Variants in CLEC16A observed in about 807,000 individuals in gnomAD.
CLEC16A encodes C-type lectin domain containing 16A.
A neutral mutation model predicts 109.5 loss-of-function variants in CLEC16A; 51 were observed. The observed-to-expected ratio is 0.47, with a 90% CI of 0.37 to 0.59. The LOEUF is 0.59. Among genes scored for constraint, CLEC16A ranks in the 20% least tolerant of loss-of-function variants. The pLI, the probability that CLEC16A is intolerant of heterozygous loss-of-function variation, is 0.00. For synonymous variants in CLEC16A, 673 were observed against 564.2 expected (o/e 1.19, Z -2.73); for missense variants, 1,339 against 1,394.0 (o/e 0.96, Z 0.63).
intron 22 of CLEC16A, chr16:11,126,735 C>G (rs1004624686): frequency 1.8e-5 from 3 of 162,254 alleles, no homozygotes; most frequent in African/African-American, 7.2e-5. Flanking sequence ...AGACCGAGTT[C>G]TCCCCTTCCT....
chr16:11,046,609 C>T (rs995738772), intron 16 of CLEC16A, among the ~76,000 whole-genome samples: 5 of 152,132 alleles, frequency 3.3e-5, no homozygotes, highest in Admixed American at 2.6e-4. Flanking sequence ...TTCTGTGCCT[C>T]CTCGCATTTC....
intron 11 of CLEC16A, among the ~76,000 whole-genome samples, chr16:11,017,367 A>G (rs751348620): frequency 1.3e-5 from 2 of 152,236 alleles, no homozygotes; most frequent in Admixed American, 6.5e-5. Flanking sequence ...GTAAAGAAGC[A>G]GAACAATAGA....
intron 10 of CLEC16A, among the ~76,000 whole-genome samples, chr16:10,985,220 A>AAATAT (rs1555526163): frequency 1.2e-4 from 13 of 104,080 alleles, no homozygotes; most frequent in African/African-American, 5.5e-4. Context: ...AAAAAAAAAA[A>AAATAT]ATATATATAT....
chr16:11,178,367 C>T lies in CLEC16A; in HGVS notation c.2839C>T (p.His947Tyr), dbSNP rs1179674533. ...APMSPELPKP[H>Y]LPDQLVIVNE... ...CATGAGTCCAGAACTGCCTAAGCCT[C>T]ACCTTCCTGACCAGTTGGTAATCGT... Residue 947 changes from histidine to tyrosine, a missense_variant, in exon 24 of 24, where the codon CAC becomes TAC. Transcript: ENST00000409790. This position sits in a 1 kb window ranked among gnomAD's most constrained non-coding sequence, Gnocchi z 6.5. 3 of 1,613,558 alleles carry T rather than the reference C, an allele frequency of 1.9e-6. No individual in the cohort carries two copies. The East Asian group carries it at 6.7e-5, about 36-fold the overall frequency.
intron 19 of CLEC16A, among the ~76,000 whole-genome samples, chr16:11,104,711 C>T (rs1375650411): frequency 1.3e-5 from 2 of 152,214 alleles, no homozygotes; most frequent in East Asian, 3.8e-4. Context: ...CAACAGCATT[C>T]CTACAAAGTA....
chr16:11,018,479 G>A (rs1245564944), intron 11 of CLEC16A, among the ~76,000 whole-genome samples: 3 of 151,872 alleles, frequency 2.0e-5, no homozygotes, highest in African/African-American at 7.3e-5. Flanking sequence ...GCCAGGCGCG[G>A]TAGCTCACGC....
intron 22 of CLEC16A, among the ~76,000 whole-genome samples, chr16:11,130,513 C>T (rs2053132667): frequency 6.6e-6 from 1 of 152,226 alleles, no homozygotes; most frequent in Admixed American, 6.5e-5. Flanking sequence ...TGCATATCAA[C>T]TGAATTTCAC....
intron 11 of CLEC16A, among the ~76,000 whole-genome samples, chr16:11,007,099 C>T (rs1223833675): frequency 1.3e-5 from 2 of 152,134 alleles, no homozygotes; most frequent in Admixed American, 1.3e-4. Context: ...ATAAGCATAT[C>T]CTAGGGACTG....
At chr16:11,043,554 C>T (rs2047464169) in intron 15 of CLEC16A, among the ~76,000 whole-genome samples, 1 of 152,024 alleles carries the variant, frequency 6.6e-6, no homozygotes, top group Non-Finnish European at 1.5e-5. Flanking sequence ...GTCTCCTTTC[C>T]TCTCTCTCTC....
intron 19 of CLEC16A, among the ~76,000 whole-genome samples, chr16:11,078,995 T>C (rs989308050): frequency 2.6e-5 from 4 of 152,214 alleles, no homozygotes; most frequent in African/African-American, 9.6e-5. Context: ...CTCTCGAGCC[T>C]TGGGCACCTG....
chr16:11,119,966 G>GTTGTTTTGTT (rs34801138), intron 19 of CLEC16A, among the ~76,000 whole-genome samples: 146 of 150,882 alleles, frequency 9.7e-4, no homozygotes, highest in African/African-American at 2.1e-3. Context: ...TTTGTGTTGT[G>GTTGTTTTGTT]TTGTTTTGTT....
chr16:11,161,077 A>G (rs1294765592), intron 22 of CLEC16A, among the ~76,000 whole-genome samples: 1 of 152,378 alleles, frequency 6.6e-6, no homozygotes, highest in South Asian at 2.1e-4. Context: ...AACACTGTCC[A>G]AAACCCTCTT....
Position 11,049,375 on chromosome 16 carries a change from C to T in CLEC16A, c.1866+2033C>T, listed in dbSNP as rs2047811727. ...GCCACCCAGGCTGTATATGAAATAG[C>T]CAACAAGAGGCCTCATGGGTCCATA... On this transcript the variant is annotated intron_variant, in intron 17 of 23. Coordinates refer to ENST00000409790, the MANE Select transcript of CLEC16A (RefSeq NM_015226.3). Among the ~76,000 whole-genome samples, 6 of 152,204 alleles carry T rather than the reference C, an allele frequency of 3.9e-5. No individual in the cohort carries two copies. The South Asian group carries it at 1.2e-3, about 32-fold the overall frequency.
intron 21 of CLEC16A, among the ~76,000 whole-genome samples, chr16:11,124,600 C>G (rs1192412359): frequency 6.6e-6 from 1 of 152,180 alleles, no homozygotes; most frequent in Non-Finnish European, 1.5e-5. Flanking sequence ...GAGGGAGATG[C>G]GTTCATTGGG....
At chr16:11,135,216 A>G (rs377156771) in intron 22 of CLEC16A, among the ~76,000 whole-genome samples, 44 of 152,274 alleles carry the variant, frequency 2.9e-4, no homozygotes, top group Admixed American at 9.2e-4. Flanking sequence ...CCTACTCAAA[A>G]ATCAGCCCTG....
intron 19 of CLEC16A, among the ~76,000 whole-genome samples, chr16:11,072,393 A>T (rs1319688302): frequency 6.6e-6 from 1 of 152,198 alleles, no homozygotes; most frequent in Non-Finnish European, 1.5e-5. Context: ...TACTGGGATT[A>T]CAGGTGTGAG....
At chr16:11,083,080 G>A (rs1373716685) in intron 19 of CLEC16A, among the ~76,000 whole-genome samples, 2 of 152,216 alleles carry the variant, frequency 1.3e-5, no homozygotes, top group Non-Finnish European at 2.9e-5. Flanking sequence ...TGCTTAGTAA[G>A]AGCTGCCCCT....
intron 11 of CLEC16A, among the ~76,000 whole-genome samples, chr16:11,004,127 A>G (rs1437423156): frequency 6.6e-6 from 1 of 152,186 alleles, no homozygotes; most frequent in Non-Finnish European, 1.5e-5. Context: ...AAAATCATTC[A>G]TTCCTCCTTT....
intron 22 of CLEC16A, among the ~76,000 whole-genome samples, chr16:11,132,869 G>A (rs1009280348): frequency 3.9e-5 from 6 of 152,146 alleles, no homozygotes; most frequent in Non-Finnish European, 2.9e-5. Context: ...GAGGCTGGGG[G>A]ACAGAGGATG....
Sources: gnomAD v4.1 joint callset for allele counts (sites outside exome capture counted in the v4.1 genomes callset) on GRCh38, gnomAD v4.1.1 for gene constraint, Gnocchi (gnomAD v3.1) non-coding constraint, MANE v1.5 for transcripts, NCBI Gene and HGNC (gene_info 2026-07-23, HGNC 2026-07-21) for gene names.